Variants in PTPRQ observed in about 807,000 individuals in gnomAD.
PTPRQ encodes phosphatidylinositol phosphatase PTPRQ.
PTPRQ carries 199 observed loss-of-function variants against 246.0 expected under a neutral mutation model. The ratio of observed to expected loss-of-function variants is 0.81; its 90% confidence interval spans 0.72 to 0.91. The LOEUF is 0.91. Ranked by LOEUF, PTPRQ falls within the 40% of genes least tolerant of loss-of-function variation. The probability of loss-of-function intolerance (pLI) is 0.00; values close to 1 mark genes in which losing one functional copy is unlikely to be tolerated. For missense variants in PTPRQ, 2,624 were observed against 2,528.4 expected, an observed-to-expected ratio of 1.04 and a Z score of -0.81; for synonymous variants, 869 against 853.2, an observed-to-expected ratio of 1.02 and a Z score of -0.32.
At chr12:80,488,250 T>C (rs941808031) in intron 9 of PTPRQ, among the ~76,000 whole-genome samples, 5 of 152,036 alleles carry the variant, frequency 3.3e-5, no homozygotes, top group African/African-American at 1.2e-4. Context: ...CCCAACTAAC[T>C]AAAGAAGAGG....
intron 14 of PTPRQ, among the ~76,000 whole-genome samples, chr12:80,498,665 G>A (rs1369036437): frequency 1.3e-5 from 2 of 152,054 alleles, no homozygotes; most frequent in African/African-American, 4.8e-5. Context: ...AGATCTCTCT[G>A]TTCATTGTTA....
intron 25 of PTPRQ, among the ~76,000 whole-genome samples, chr12:80,578,635 C>T (rs1449932436): frequency 5.9e-5 from 9 of 151,998 alleles, no homozygotes; most frequent in African/African-American, 1.7e-4. Context: ...CCTCGTGATC[C>T]GCCCGCCTTG....
chr12:80,532,760 T>G (rs949957457), intron 17 of PTPRQ, among the ~76,000 whole-genome samples: 4 of 152,242 alleles, frequency 2.6e-5, no homozygotes, highest in Admixed American at 2.6e-4. Flanking sequence ...TTCAAATTGC[T>G]GAATAGCCTG....
chr12:80,533,269 CTG>C (rs1895895368), intron 17 of PTPRQ, among the ~76,000 whole-genome samples: 1 of 151,900 alleles, frequency 6.6e-6, no homozygotes, highest in Non-Finnish European at 1.5e-5. Context: ...ACTAACATGA[CTG>C]AAATAAAATA....
intron 35 of PTPRQ, among the ~76,000 whole-genome samples, chr12:80,635,649 T>C (rs527751464): frequency 6.6e-6 from 1 of 152,042 alleles, no homozygotes; most frequent in African/African-American, 2.4e-5. Context: ...TTGGTACCTA[T>C]TGGAAATAGT....
At chr12:80,527,907 A>G (rs1284859911) in intron 17 of PTPRQ, among the ~76,000 whole-genome samples, 1 of 152,166 alleles carries the variant, frequency 6.6e-6, no homozygotes, top group Non-Finnish European at 1.5e-5. Flanking sequence ...CAGCCTGGGC[A>G]CCATGGTGAG....
chr12:80,627,400 GA>G (rs1899246983), intron 33 of PTPRQ, among the ~76,000 whole-genome samples: 1 of 150,316 alleles, frequency 6.7e-6, no homozygotes, highest in South Asian at 2.1e-4. Context: ...GGAAGAGGAG[GA>G]GGAGGAGGAA....
intron 26 of PTPRQ, among the ~76,000 whole-genome samples, chr12:80,589,389 G>A (rs1009880566): frequency 6.6e-6 from 1 of 152,070 alleles, no homozygotes; most frequent in Non-Finnish European, 1.5e-5. Context: ...TTCAGATATA[G>A]GCCTTATGTT....
intron 35 of PTPRQ, among the ~76,000 whole-genome samples, chr12:80,643,859 CA>C (rs1456730358): frequency 2.6e-5 from 4 of 152,110 alleles, no homozygotes; most frequent in Non-Finnish European, 5.9e-5. Context: ...ATAGATTCTT[CA>C]CAAATTTAAT....
rs1433863978 is a variant in PTPRQ, at chr12:80,664,138, G to T, written c.6193-4869G>T. On this transcript the variant is annotated intron_variant, in intron 39 of 44. Coordinates refer to ENST00000644991, the MANE Select transcript of PTPRQ (RefSeq NM_001145026.2). ...GTATTGGAGAAAAATTCATGATCAC[G>T]CCAAAATATCTCACTTTAAACTCAT... Among the ~76,000 whole-genome samples the T allele has an allele frequency of 2.0e-5, 3 of 151,762 alleles. No homozygotes were observed. In the South Asian group the frequency reaches 6.2e-4, roughly 31 times the overall value.
At chr12:80,645,135 A>C (rs1214078902) in intron 35 of PTPRQ, among the ~76,000 whole-genome samples, 2 of 152,100 alleles carry the variant, frequency 1.3e-5, no homozygotes, top group Non-Finnish European at 2.9e-5. Context: ...AAAGAAAATA[A>C]AGCCAAATCA....
chr12:80,488,116 G>A (rs1198446064), intron 9 of PTPRQ, among the ~76,000 whole-genome samples: 1 of 149,568 alleles, frequency 6.7e-6, no homozygotes, highest in East Asian at 2.0e-4. Flanking sequence ...TTTGTCCCAT[G>A]TGGCCTTTTT....
chr12:80,512,026 G>A (rs1455835746), intron 17 of PTPRQ, among the ~76,000 whole-genome samples: 2 of 152,206 alleles, frequency 1.3e-5, no homozygotes, highest in African/African-American at 4.8e-5. Context: ...CAACAGAGGG[G>A]AGAAGTAGGT....
intron 17 of PTPRQ, among the ~76,000 whole-genome samples, chr12:80,515,070 T>C (rs1002500593): frequency 6.6e-6 from 1 of 152,090 alleles, no homozygotes; most frequent in Non-Finnish European, 1.5e-5. Flanking sequence ...TAGTTGGAAA[T>C]AGCCCTGTAA....
chr12:80,664,208 C>T (rs1225949103), intron 39 of PTPRQ, among the ~76,000 whole-genome samples: 1 of 151,980 alleles, frequency 6.6e-6, no homozygotes, highest in African/African-American at 2.4e-5. Flanking sequence ...ATTCAATCTC[C>T]CTTTCTTCTA....
chr12:80,600,233 G>A (rs1042344606), intron 26 of PTPRQ, among the ~76,000 whole-genome samples: 2 of 151,766 alleles, frequency 1.3e-5, no homozygotes, highest in African/African-American at 4.8e-5. Flanking sequence ...GTGTTGTCAT[G>A]AATGATCTTT....
At chr12:80,533,391 A>G (rs1202552979) in intron 17 of PTPRQ, among the ~76,000 whole-genome samples, 1 of 151,958 alleles carries the variant, frequency 6.6e-6, no homozygotes. Flanking sequence ...CTGGAGTGAT[A>G]TTGTAAATAC....
chr12:80,550,804 C>A (rs917806780), intron 25 of PTPRQ, among the ~76,000 whole-genome samples: 2 of 152,120 alleles, frequency 1.3e-5, no homozygotes, highest in Admixed American at 6.6e-5. Context: ...GTTTATTCTT[C>A]ATAGGAAATA....
intron 25 of PTPRQ, among the ~76,000 whole-genome samples, chr12:80,557,252 A>G (rs1896671802): frequency 6.6e-6 from 1 of 151,948 alleles, no homozygotes; most frequent in African/African-American, 2.4e-5. Flanking sequence ...CTACCTCTTC[A>G]AAAAGGATTT....
Sources: gnomAD v4.1 joint callset for allele counts (sites outside exome capture counted in the v4.1 genomes callset) on GRCh38, gnomAD v4.1.1 for gene constraint, MANE v1.5 for transcripts, NCBI Gene and HGNC (gene_info 2026-07-23, HGNC 2026-07-21) for gene names.